CACHD1: variants seen among roughly 807,000 people sequenced by gnomAD.
CACHD1 encodes the protein VWFA and cache domain-containing protein 1.
CACHD1 carries 71 observed loss-of-function variants against 138.7 expected under a neutral mutation model. The observed-to-expected ratio is 0.51, with a 90% confidence interval of 0.42 to 0.62. The LOEUF is 0.62. Among genes scored for constraint, CACHD1 ranks in the 20% least tolerant of loss-of-function variants. CACHD1 has a pLI of 0.00. For missense variants in CACHD1, 1,389 were observed against 1,625.3 expected (o/e 0.85, Z 2.50); for synonymous variants, 578 against 591.5 (o/e 0.98, Z 0.33).
chr1:64,590,742 G>C (rs897623042), intron 3 of CACHD1, among the ~76,000 whole-genome samples: 7 of 152,138 alleles, frequency 4.6e-5, no homozygotes, highest in East Asian at 3.8e-4. Flanking sequence ...TCATTTCTAA[G>C]AAGAGGCAAG....
chr1:64,546,937 AT>A (rs149021246), intron 1 of CACHD1, among the ~76,000 whole-genome samples: 8,209 of 152,060 alleles, frequency 0.054, 261 homozygotes, highest in East Asian at 0.077. Context: ...CCAAATGCTC[AT>A]TTTTTTTCCT....
intron 4 of CACHD1, among the ~76,000 whole-genome samples, chr1:64,614,821 C>A (rs953555206): frequency 1.3e-5 from 2 of 152,188 alleles, no homozygotes; most frequent in Non-Finnish European, 2.9e-5. Context: ...TTTAGATCCT[C>A]ATTTCTCTTC....
Position 64,671,638 on chromosome 1 carries a change from T to A in CACHD1, c.2462T>A (p.Leu821Gln), listed in dbSNP as rs139733751. The change falls in exon 17 of 27, where the codon CTG becomes CAG. Residue 821 changes from leucine (L) to glutamine (Q), a missense_variant. Physicochemically the swap from Leu to Gln is moderately radical, Grantham distance 113. Transcript: ENST00000651257. The stretch of plus-strand genomic sequence containing the variant: ...ACACTCAGATACTTCTACAAAGTTC[T>A]GATGGACCTATTACCTGTCTGTAAC... ...DFTLRYFYKV[L>Q]MDLLPVCNQD... The A allele has an allele frequency of 6.9e-5, 112 of 1,613,990 alleles. No homozygotes were observed. Among genetic ancestry groups the A allele is most frequent in the African/African-American group, 1.3e-5 (1 of 74,934 alleles).
intron 1 of CACHD1, among the ~76,000 whole-genome samples, chr1:64,503,546 T>G (rs1646351565): frequency 6.6e-6 from 1 of 152,192 alleles, no homozygotes; most frequent in South Asian, 2.1e-4. Context: ...CTAGACTACT[T>G]TTTCGGTCAA....
chr1:64,532,494 C>T (rs1646595660), intron 1 of CACHD1, among the ~76,000 whole-genome samples: 1 of 152,060 alleles, frequency 6.6e-6, no homozygotes, highest in African/African-American at 2.4e-5. Context: ...GGGAGCAAGC[C>T]CATCCCAAGG....
chr1:64,543,646 C>G (rs559390947), intron 1 of CACHD1, among the ~76,000 whole-genome samples: 117 of 151,498 alleles, frequency 7.7e-4, no homozygotes, highest in African/African-American at 2.6e-3. Context: ...GAATAATTAG[C>G]CTCATCAGAG....
chr1:64,564,483 G>A (rs897854993), intron 2 of CACHD1, among the ~76,000 whole-genome samples: 1 of 152,048 alleles, frequency 6.6e-6, no homozygotes, highest in Non-Finnish European at 1.5e-5. Context: ...CCTATTTTGT[G>A]AGACTCCTGT....
chr1:64,582,304 A>G lies in CACHD1; in HGVS notation c.410A>G (p.Glu137Gly). 1 of 1,611,866 alleles carries G rather than the reference A, an allele frequency of 6.2e-7. No homozygotes were observed. Among genetic ancestry groups the G allele is most frequent in the South Asian group, 1.1e-5 (1 of 90,392 alleles). ...DCCTIPPSMM[E>G]FDGNFNTNVS... Reference sequence around the variant, plus strand: ...TGTACTATCCCACCTTCCATGATGGAGTAAGACTTTAAAACTTTTTGTTGT... The same window carrying G: ...TGTACTATCCCACCTTCCATGATGGGGTAAGACTTTAAAACTTTTTGTTGT... The change falls in exon 3 of 27, where the codon GAA becomes GGA. Residue 137 changes from glutamate to glycine, a missense_variant and splice_region_variant. Physicochemically the swap from Glu to Gly is moderately conservative, Grantham distance 98. Coordinates refer to ENST00000651257, the MANE Select transcript of CACHD1 (RefSeq NM_020925.4).
chr1:64,637,283 C>G lies in CACHD1; in HGVS notation c.1006+3023C>G, dbSNP rs77013434. Reference sequence around the variant, plus strand: ...AGGCAGCGCATTTGAGTCAAGTGAGCTGGGGGAAGGTAATGAGGATGAGTT... The same window carrying G: ...AGGCAGCGCATTTGAGTCAAGTGAGGTGGGGGAAGGTAATGAGGATGAGTT... On this transcript the variant is annotated intron_variant, in intron 7 of 26. Coordinates refer to ENST00000651257, the MANE Select transcript of CACHD1 (RefSeq NM_020925.4). Among the ~76,000 whole-genome samples the G allele has an allele frequency of 9.6e-3, 1,457 of 152,250 alleles. 28 individuals carry two copies. The highest frequency in any genetic ancestry group is 0.034 in the African/African-American group (1,406 of 41,528).
intron 1 of CACHD1, among the ~76,000 whole-genome samples, chr1:64,533,748 C>CTCTCTCT (rs569650125): frequency 3.1e-5 from 4 of 129,434 alleles, no homozygotes; most frequent in Admixed American, 8.1e-5. Flanking sequence ...TCTTCTCTCT[C>CTCTCTCT]TTTTTTTTTT....
intron 1 of CACHD1, among the ~76,000 whole-genome samples, chr1:64,517,815 A>T (rs1646469839): frequency 6.6e-6 from 1 of 152,172 alleles, no homozygotes; most frequent in Non-Finnish European, 1.5e-5. Flanking sequence ...TTCTCCTATT[A>T]GCTTAACCTT....
At chr1:64,682,528 G>C (rs1650227015) in intron 26 of CACHD1, among the ~76,000 whole-genome samples, 1 of 152,164 alleles carries the variant, frequency 6.6e-6, no homozygotes, top group Non-Finnish European at 1.5e-5. Context: ...CTCAGAGAAG[G>C]CTTCACCAAA....
At chr1:64,531,181 G>T (rs1352817284) in intron 1 of CACHD1, among the ~76,000 whole-genome samples, 1 of 152,066 alleles carries the variant, frequency 6.6e-6, no homozygotes, top group African/African-American at 2.4e-5. Context: ...CTTATTTCCT[G>T]CCTGCCCAAA....
intron 20 of CACHD1, 86 bp downstream of exon 20, chr1:64,675,647 C>G: frequency 6.8e-7 from 1 of 1,460,962 alleles, no homozygotes; most frequent in Admixed American, 1.7e-5. Flanking sequence ...GCAAAATAAA[C>G]AGAAAGTGCT....
At chr1:64,531,825 C>G (rs1322069302) in intron 1 of CACHD1, among the ~76,000 whole-genome samples, 1 of 152,156 alleles carries the variant, frequency 6.6e-6, no homozygotes, top group Non-Finnish European at 1.5e-5. Flanking sequence ...GAAAATCTTC[C>G]ATGTTACAGT....
At chr1:64,566,882 T>C (rs1047722162) in intron 2 of CACHD1, among the ~76,000 whole-genome samples, 6 of 152,076 alleles carry the variant, frequency 3.9e-5, no homozygotes, top group African/African-American at 1.4e-4. Context: ...TTCACATATA[T>C]GTTAGAGCTT....
At position 64,634,025 on chromosome 1, in the gene CACHD1, T is replaced by G. The variant is rs753972016; in HGVS notation, c.790-19T>G. 4 of 1,567,836 alleles carry G rather than the reference T, an allele frequency of 2.6e-6. No homozygotes were observed. In the South Asian group the frequency reaches 4.8e-5, roughly 19 times the overall value. On this transcript the variant is annotated intron_variant, in intron 6 of 26. Transcript: ENST00000651257. ...AGGATAACAAGTTTGGTGGTTTTTT[T>G]TTTTTTTCTTTCCTGCAGATTTCTG...
In CACHD1 at chr1:64,641,849, G is replaced by T. The variant is rs975920002; in HGVS notation, c.1036G>T (p.Ala346Ser). ...AGACATGGTCATCATTTACCTGTCA[G>T]CTGGCATTACATCAAAGGACTCTTC... Reference protein sequence around the residue: ...NTDMVIIYLSAGITSKDSSEE... With the variant: ...NTDMVIIYLSSGITSKDSSEE... Residue 346 changes from alanine to serine, a missense_variant, in exon 8 of 27, where the codon GCT (alanine) becomes TCT (serine). Transcript: ENST00000651257. 5.7e-6 allele frequency: 9 copies of T among 1,584,102 alleles called. No individual in the cohort carries two copies. The highest frequency in any genetic ancestry group is 1.7e-4 in the Middle Eastern group (1 of 5,934).
intron 2 of CACHD1, among the ~76,000 whole-genome samples, chr1:64,579,096 C>A (rs1289717817): frequency 1.3e-5 from 2 of 152,194 alleles, no homozygotes; most frequent in Non-Finnish European, 2.9e-5. Flanking sequence ...CTTGCAGCTA[C>A]TTAATCTGCC....
Sources: allele counts gnomAD v4.1 joint callset (sites outside exome capture counted in the v4.1 genomes callset), GRCh38; gene constraint gnomAD v4.1.1; transcripts MANE v1.5; gene names NCBI Gene and HGNC (gene_info 2026-07-23, HGNC 2026-07-21).